PATE1: variants seen among roughly 807,000 people sequenced by gnomAD.
PATE1 encodes the protein prostate and testis expressed 1, also known as prostate and testis expressed protein 1.
Under a neutral mutation model 13.1 loss-of-function variants are expected in PATE1, and 21 were observed. The observed-to-expected ratio is 1.61, with a 90% CI of 1.14 to 2.31. PATE1 has a LOEUF of 2.31. Ranked by LOEUF, PATE1 falls within the 30% of genes most tolerant of loss-of-function variation. The pLI, the probability that PATE1 is intolerant of heterozygous loss-of-function variation, is 0.00. For missense variants in PATE1, 166 were observed against 147.2 expected (o/e 1.13, Z -0.66); for synonymous variants, 52 against 47.1 (o/e 1.10, Z -0.43).
At chr11:125,746,839 G>T in intron 2 of PATE1, 143 bp downstream of exon 2, 1 of 817,032 alleles carries the variant, frequency 1.2e-6, no homozygotes, top group Non-Finnish European at 2.1e-6. Flanking sequence ...TCTTCCAGCA[G>T]GACAGAGCTG....
intron 4 of PATE1, 169 bp downstream of exon 4, chr11:125,747,991 G>A (rs1943288871): frequency 1.9e-6 from 2 of 1,027,562 alleles, no homozygotes; most frequent in Non-Finnish European, 1.4e-6. Flanking sequence ...TTAGATGGAG[G>A]TGGTCACTAA....
In PATE1 at chr11:125,747,367, C is replaced by A; in HGVS notation, c.89-9C>A. On this transcript the variant is annotated splice_polypyrimidine_tract_variant and intron_variant, in intron 2 of 4. Transcript: ENST00000305738. Reference sequence around the variant, plus strand: ...TTTCAGATGTGTTTTCTTTCTCTTGCCAGTACAGTCAATGAAATAGTTGCT... The same window carrying A: ...TTTCAGATGTGTTTTCTTTCTCTTGACAGTACAGTCAATGAAATAGTTGCT... 1 of 1,610,696 alleles carries A rather than the reference C, an allele frequency of 6.2e-7. No homozygotes were observed. The highest frequency in any genetic ancestry group is 1.7e-5 in the Admixed American group (1 of 60,008).
At position 125,746,915 on chromosome 11, in the gene PATE1, C is replaced by T. The variant is rs113091739; in HGVS notation, c.88+219C>T. ...ATCAACTGACAAGGTCAGGAGTGAG[C>T]GTCAGTGAAGGGCAAGGAAAAGGAA... On this transcript the variant is annotated intron_variant, in intron 2 of 4. Transcript: ENST00000305738. Among the ~76,000 whole-genome samples, 84 of 152,156 alleles carry T rather than the reference C, an allele frequency of 5.5e-4. 4 individuals are homozygous for T. Among genetic ancestry groups the T allele is most frequent in the African/African-American group, 1.9e-3 (77 of 41,510 alleles).
chr11:125,747,473 T>G (rs1340296993), intron 3 of PATE1, 62 bp downstream of exon 3: 1 of 1,392,474 alleles, frequency 7.2e-7, no homozygotes, highest in African/African-American at 2.9e-5. Context: ...TTTTCCTTAT[T>G]CCTCCACCTT....
At chr11:125,746,827 C>A in intron 2 of PATE1, 131 bp downstream of exon 2, 1 of 890,046 alleles carries the variant, frequency 1.1e-6, no homozygotes, top group Non-Finnish European at 1.8e-6. Context: ...CACGCAACAA[C>A]CTCTTCCAGC....
At position 125,747,838 on chromosome 11, in the gene PATE1, G is replaced by A. The variant is rs781482783; in HGVS notation, c.247+16G>A. The stretch of plus-strand genomic sequence containing the variant: ...ATGTTCAAAAGTAAGTTGTGGGTTG[G>A]GGAAAAGAAGAACGGGCAGAGGACG... On this transcript the variant is annotated intron_variant, in intron 4 of 4. Coordinates refer to ENST00000305738, the MANE Select transcript of PATE1 (RefSeq NM_138294.3). The A allele has an allele frequency of 4.3e-6, 7 of 1,613,310 alleles. No individual in the cohort carries two copies. In the Admixed American group the frequency reaches 1.0e-4, roughly 23 times the overall value.
Position 125,746,507 on chromosome 11 carries a change from A to G in PATE1, c.52+151A>G, listed in dbSNP as rs1223688756. 25 of 1,280,080 alleles carry G rather than the reference A, an allele frequency of 2.0e-5. No individual in the cohort carries two copies. The East Asian group carries it at 3.1e-4, about 16-fold the overall frequency. The allele number at this position is 1,280,080 out of a possible 1,614,324, so 79.3% of individuals were successfully genotyped here. A position where few individuals can be genotyped will look rare whatever the true frequency, so the allele number is the denominator to read the frequency against. On this transcript the variant is annotated intron_variant, in intron 1 of 4. Coordinates refer to ENST00000305738, the MANE Select transcript of PATE1 (RefSeq NM_138294.3). The stretch of plus-strand genomic sequence containing the variant: ...TTATGCCTTCTACCAGGGGTATGTC[A>G]TGTCCCCAGGACCTTAACTAAAGCT...
Position 125,746,640 on chromosome 11 carries a change from ATC to A in PATE1, c.53-17_53-16del. The stretch of plus-strand genomic sequence containing the variant: ...GGAAAATGAGGTCTGCAGACAGTGT[ATC>A]TCTTTTTTTTTCCAACAGCATTATC... On this transcript the variant is annotated intron_variant, in intron 1 of 4. Transcript: ENST00000305738. The A allele has an allele frequency of 6.2e-7, 1 of 1,613,498 alleles. No individual in the cohort carries two copies. Among genetic ancestry groups the A allele is most frequent in the East Asian group, 2.2e-5 (1 of 44,830 alleles).
At chr11:125,747,251 G>A (rs1943280742) in intron 2 of PATE1, 125 bp from the exon 3 acceptor site, 2 of 795,006 alleles carry the variant, frequency 2.5e-6, no homozygotes, top group Non-Finnish European at 4.2e-6. Context: ...GGGGGACAGA[G>A]TGGGCCTGGA....
rs897717419 is a variant in PATE1 at position 125,747,315 on chromosome 11, C to T, written c.89-61C>T. 1.2e-5 allele frequency: 18 copies of T among 1,518,682 alleles called. No homozygotes were observed. In the African/African-American group the frequency reaches 2.5e-4, roughly 21 times the overall value. 94.1% of individuals were successfully genotyped at this position (1,518,682 alleles called of 1,614,324 possible). A position where few individuals can be genotyped will look rare whatever the true frequency, so the allele number is the denominator to read the frequency against. ...ACCCTGAAGGGCAGACTATAAGAACCCAATACAAGAGTAAATCTCAGGCAC... is the reference window on the plus strand; with the variant it reads ...ACCCTGAAGGGCAGACTATAAGAACTCAATACAAGAGTAAATCTCAGGCAC... On this transcript the variant is annotated intron_variant, in intron 2 of 4. Transcript: ENST00000305738.
intron 1 of PATE1, 94 bp downstream of exon 1, chr11:125,746,450 C>A: frequency 3.5e-6 from 5 of 1,423,620 alleles, no homozygotes; most frequent in Middle Eastern, 1.8e-4. Context: ...AGTCCTATGG[C>A]AACTGAAGCA....
Position 125,748,595 on chromosome 11 carries a change from C to T in PATE1, c.248-5C>T, listed in dbSNP as rs1591456974. ...TTCCTGATCTGTTTTTTCTCCCCTC[C>T]ACAGGGGATGGTAATCCCTGGTTAA... On this transcript the variant is annotated splice_region_variant and splice_polypyrimidine_tract_variant and intron_variant, in intron 4 of 4. Transcript: ENST00000305738. The T allele has an allele frequency of 6.2e-7, 1 of 1,612,516 alleles. No homozygotes were observed. Among genetic ancestry groups the T allele is most frequent in the South Asian group, 1.1e-5 (1 of 90,650 alleles).
rs763760100 is a variant in PATE1 at position 125,746,682 on chromosome 11, T to A, written c.74T>A (p.Met25Lys). ...ACAGCATTATCTGGATCACTTTCAA[T>A]GAGAAATGATGCAGGTGAGTAGGAA... ...CFRALSGSLS[M>K]RNDAVNEIVA... The change falls in exon 2 of 5, where the codon ATG becomes AAG. Residue 25 changes from methionine to lysine, a missense_variant. Coordinates refer to ENST00000305738, the MANE Select transcript of PATE1 (RefSeq NM_138294.3). 4.3e-6 allele frequency: 7 copies of A among 1,613,374 alleles called. No individual in the cohort carries two copies. The Admixed American group carries it at 1.2e-4, about 27-fold the overall frequency.
Position 125,747,708 on chromosome 11 carries a change from A to T in PATE1, c.133A>T (p.Ile45Phe), listed in dbSNP as rs766150538. The change falls in exon 4 of 5, where the codon ATT becomes TTT. Residue 45 changes from isoleucine (I) to phenylalanine (F), a missense_variant. Transcript: ENST00000305738. ...CCCTCTCTCTGGCCAAGTGATAGAA[A>T]TTGTTCAGTGTAGGATGTGCCACCT... ...AVKNNFPVIEIVQCRMCHLQF... is the reference protein window; with the variant it reads ...AVKNNFPVIEFVQCRMCHLQF... 1.6e-5 allele frequency: 26 copies of T among 1,613,540 alleles called. No individual in the cohort carries two copies. Among genetic ancestry groups the T allele is most frequent in the Middle Eastern group, 1.7e-4 (1 of 6,024 alleles).
chr11:125,748,892 C>T lies in PATE1; in HGVS notation c.*159C>T. On this transcript the variant is annotated 3_prime_UTR_variant, in exon 5 of 5. Coordinates refer to ENST00000305738, the MANE Select transcript of PATE1 (RefSeq NM_138294.3). ...TCTTCTGCACACGAAAGGAAAGTCCCTCTCCTTTTCTACAGTCTCTGTCAC... is the reference window on the plus strand; with the variant it reads ...TCTTCTGCACACGAAAGGAAAGTCCTTCTCCTTTTCTACAGTCTCTGTCAC... 1 of 826,972 alleles carries T rather than the reference C, an allele frequency of 1.2e-6. No individual in the cohort carries two copies. Among genetic ancestry groups the T allele is most frequent in the Non-Finnish European group, 1.8e-6 (1 of 550,434 alleles). 51.2% of individuals were successfully genotyped at this position (826,972 alleles called of 1,614,324 possible). A position where few individuals can be genotyped will look rare whatever the true frequency, so the allele number is the denominator to read the frequency against.
intron 1 of PATE1, 141 bp downstream of exon 1, chr11:125,746,497 G>A (rs1398244945): frequency 7.8e-7 from 1 of 1,283,198 alleles, no homozygotes; most frequent in African/African-American, 1.5e-5. Flanking sequence ...CCTTCTACCA[G>A]GGGTATGTCA....
Position 125,747,016 on chromosome 11 carries a change from G to A in PATE1, c.88+320G>A, listed in dbSNP as rs11220206. On this transcript the variant is annotated intron_variant, in intron 2 of 4. Transcript: ENST00000305738. The stretch of plus-strand genomic sequence containing the variant: ...AGCGTGGCAACTTCAGGAATTTCAG[G>A]TTGTCCCCATTGTCAGATTCCAGGC... 7.0e-3 allele frequency among the ~76,000 whole-genome samples: 1,061 copies of A among 152,260 alleles called. 12 individuals carry two copies. Among genetic ancestry groups the A allele is most frequent in the African/African-American group, 0.023 (958 of 41,528 alleles).
intron 1 of PATE1, 58 bp from the exon 2 acceptor site, chr11:125,746,603 G>T: frequency 6.3e-7 from 1 of 1,589,768 alleles, no homozygotes; most frequent in South Asian, 1.1e-5. Flanking sequence ...TAGAAGCTTT[G>T]AGATGGGGTT....
chr11:125,749,260 T>A lies in PATE1; in HGVS notation c.*527T>A, dbSNP rs1365863103. 1 of 152,240 alleles carries A rather than the reference T, an allele frequency of 6.6e-6. No homozygotes were observed. 9.4% of individuals were successfully genotyped at this position (152,240 alleles called of 1,614,324 possible). On this transcript the variant is annotated 3_prime_UTR_variant, in exon 5 of 5. Coordinates refer to ENST00000305738, the MANE Select transcript of PATE1 (RefSeq NM_138294.3). ...CTTGGAGTTTGTTCATGAATGCTGA[T>A]CCCAGGGTGAGGAGAAGATTGGGAC...
Sources: allele counts gnomAD v4.1 joint callset (sites outside exome capture counted in the v4.1 genomes callset), GRCh38; gene constraint gnomAD v4.1.1; transcripts MANE v1.5; gene names NCBI Gene and HGNC (gene_info 2026-07-23, HGNC 2026-07-21).